GPSM2: variants seen among roughly 807,000 people sequenced by gnomAD.
GPSM2 encodes the protein G protein-signaling modulator 2.
A neutral mutation model predicts 78.4 loss-of-function variants in GPSM2; 58 were observed. That is an observed-to-expected ratio of 0.74 (90% CI 0.60 to 0.92). The LOEUF (loss-of-function observed/expected upper bound fraction) is 0.92. Among genes scored for constraint, GPSM2 ranks in the 40% least tolerant of loss-of-function variants. The pLI is 0.00. For synonymous variants in GPSM2, 224 were observed against 280.2 expected, an observed-to-expected ratio of 0.80 and a Z score of 2.00; for missense variants, 700 against 815.5, an observed-to-expected ratio of 0.86 and a Z score of 1.73.
At chr1:108,916,036 G>A (rs548332228) in intron 11 of GPSM2, among the ~76,000 whole-genome samples, 3 of 144,822 alleles carry the variant, frequency 2.1e-5, no homozygotes, top group Non-Finnish European at 4.5e-5. Flanking sequence ...GAACCCCAGA[G>A]TTTGAGACCA....
At chr1:108,918,812 A>C in intron 12 of GPSM2, 23 bp downstream of exon 12, 7 of 1,564,780 alleles carry the variant, frequency 4.5e-6, no homozygotes, top group Non-Finnish European at 6.2e-6. Flanking sequence ...TAAGTTTTTG[A>C]GTATTGTGTT....
At chr1:108,894,009 G>C (rs1285935662) in intron 2 of GPSM2, among the ~76,000 whole-genome samples, 1 of 151,834 alleles carries the variant, frequency 6.6e-6, no homozygotes, top group Non-Finnish European at 1.5e-5. Context: ...GAGCCATTGC[G>C]CTCCAGCCTG....
chr1:108,917,138 G>T (rs1039486155), intron 11 of GPSM2, among the ~76,000 whole-genome samples: 13 of 152,100 alleles, frequency 8.5e-5, no homozygotes, highest in African/African-American at 3.1e-4. Flanking sequence ...GCAGTTTTAT[G>T]TTCTCACATC....
chr1:108,923,867 T>C (rs546486137), intron 13 of GPSM2, 133 bp from the exon 14 acceptor site: 24 of 704,294 alleles, frequency 3.4e-5, no homozygotes, highest in South Asian at 2.8e-4. Context: ...GTCAGCGCTA[T>C]AGCAGGAGGG....
chr1:108,894,258 CAT>C (rs1648192201), intron 2 of GPSM2, among the ~76,000 whole-genome samples: 1 of 152,096 alleles, frequency 6.6e-6, no homozygotes, highest in African/African-American at 2.4e-5. Context: ...TATAAAGAAA[CAT>C]AAATATAGCT....
chr1:108,932,278 G>A lies in GPSM2; in HGVS notation c.*2338G>A, dbSNP rs1388557517. The A allele has an allele frequency of 6.6e-6, 1 of 151,990 alleles. No homozygotes were observed. Among genetic ancestry groups the A allele is most frequent in the Non-Finnish European group, 1.5e-5 (1 of 67,962 alleles). The allele number at this position is 151,990 out of a possible 1,614,324, so 9.4% of individuals were successfully genotyped here. The stretch of plus-strand genomic sequence containing the variant: ...GACAGAGCAAAACTCTCAAAAAAAA[G>A]TAAAATTTCAAAAAAGCTTCACAAT... On this transcript the variant is annotated 3_prime_UTR_variant, in exon 15 of 15. Coordinates refer to ENST00000264126, the MANE Select transcript of GPSM2 (RefSeq NM_013296.5).
intron 8 of GPSM2, among the ~76,000 whole-genome samples, chr1:108,902,803 G>A (rs1648921170): frequency 6.6e-6 from 1 of 152,094 alleles, no homozygotes; most frequent in Admixed American, 6.5e-5. Flanking sequence ...TAATTACCTG[G>A]TAGGGCTGTT....
intron 9 of GPSM2, among the ~76,000 whole-genome samples, chr1:108,903,449 C>T (rs557628609): frequency 2.6e-5 from 4 of 152,160 alleles, no homozygotes; most frequent in Non-Finnish European, 5.9e-5. Flanking sequence ...AAAGTAAGGC[C>T]GGGCATGGGG....
rs1651673620 is a variant in GPSM2, at chr1:108,930,136, G to A, written c.*196G>A. The A allele has an allele frequency of 3.4e-6, 2 of 581,974 alleles. No homozygotes were observed. The highest frequency in any genetic ancestry group is 2.2e-5 in the South Asian group (1 of 44,616). 36.1% of individuals were successfully genotyped at this position (581,974 alleles called of 1,614,324 possible). On this transcript the variant is annotated 3_prime_UTR_variant, in exon 15 of 15. Transcript: ENST00000264126. Reference sequence around the variant, plus strand: ...GCGCGTTTGAGGGTGGAGGGGTCCTGTAAGGTGCTTCATCGTCTGTGATTA... The same window carrying A: ...GCGCGTTTGAGGGTGGAGGGGTCCTATAAGGTGCTTCATCGTCTGTGATTA...
In GPSM2 at chr1:108,901,805, G is replaced by A. The variant is rs777690523; in HGVS notation, c.813G>A (p.Leu271=). The A allele has an allele frequency of 1.2e-6, 2 of 1,611,370 alleles. No homozygotes were observed. Among genetic ancestry groups the A allele is most frequent in the African/African-American group, 2.7e-5 (2 of 74,962 alleles). Residue 271 remains leucine (L), a synonymous_variant, in exon 8 of 15, where the codon TTG becomes TTA. Coordinates refer to ENST00000264126, the MANE Select transcript of GPSM2 (RefSeq NM_013296.5). The part of the protein sequence containing the change: ...ASEYYKKTLL[L]ARQLKDRAVE... Reference sequence around the variant, plus strand: ...CTTCTTGTAGGAAGACACTACTGTTGGCCCGACAGCTTAAAGACCGAGCTG... The same window carrying A: ...CTTCTTGTAGGAAGACACTACTGTTAGCCCGACAGCTTAAAGACCGAGCTG...
intron 12 of GPSM2, 62 bp downstream of exon 12, chr1:108,918,851 A>G: frequency 9.8e-7 from 1 of 1,022,032 alleles, no homozygotes; most frequent in Non-Finnish European, 1.6e-6. Context: ...GTTTTCTTGT[A>G]TTCATGCTGA....
intron 14 of GPSM2, among the ~76,000 whole-genome samples, chr1:108,925,425 G>A (rs1416524551): frequency 1.3e-5 from 2 of 152,124 alleles, no homozygotes; most frequent in Non-Finnish European, 2.9e-5. Flanking sequence ...GAATAGGACA[G>A]GAAGACTAAG....
chr1:108,921,256 T>C (rs338475), intron 12 of GPSM2, among the ~76,000 whole-genome samples: 54,335 of 151,804 alleles, frequency 0.36, 11,326 homozygotes, highest in African/African-American at 0.57. Flanking sequence ...CCTGACTGTA[T>C]AAAAAATACA....
chr1:108,907,581 G>A (rs1028887598), intron 10 of GPSM2, among the ~76,000 whole-genome samples: 2 of 152,032 alleles, frequency 1.3e-5, no homozygotes, highest in African/African-American at 2.4e-5. Context: ...GTGGTTGAAC[G>A]TTTACAGAAG....
At chr1:108,884,086 G>C (rs1647324604) in intron 1 of GPSM2, among the ~76,000 whole-genome samples, 1 of 152,070 alleles carries the variant, frequency 6.6e-6, no homozygotes, top group African/African-American at 2.4e-5. Context: ...GGGATTACAG[G>C]CTTGCATCAC....
rs749198458 is a variant in GPSM2, at chr1:108,898,728, T to A, written c.644T>A (p.Leu215His). 6.2e-7 allele frequency: 1 copy of A among 1,614,024 alleles called. No individual in the cohort carries two copies. Among genetic ancestry groups the A allele is most frequent in the Admixed American group, 1.7e-5 (1 of 60,016 alleles). ...AATCTTGGAAACACACATTACCTCCTTGGCAACTTCAGGGATGCAGTTATA... is the reference window on the plus strand; with the variant it reads ...AATCTTGGAAACACACATTACCTCCATGGCAACTTCAGGGATGCAGTTATA... ...FGNLGNTHYLLGNFRDAVIAH... is the reference protein window; with the variant it reads ...FGNLGNTHYLHGNFRDAVIAH... The change falls in exon 6 of 15, where the codon CTT becomes CAT. Residue 215 changes from leucine (L) to histidine (H), a missense_variant. Transcript: ENST00000264126.
At chr1:108,910,562 T>C (rs571951290) in intron 10 of GPSM2, among the ~76,000 whole-genome samples, 1 of 152,294 alleles carries the variant, frequency 6.6e-6, no homozygotes, top group South Asian at 2.1e-4. Flanking sequence ...AATCCAGTAA[T>C]GTATTTTAAA....
At chr1:108,918,015 T>C (rs915190089) in intron 11 of GPSM2, among the ~76,000 whole-genome samples, 12 of 152,106 alleles carry the variant, frequency 7.9e-5, no homozygotes, top group Non-Finnish European at 1.0e-4. Flanking sequence ...TAAGACTGAA[T>C]GTTAAAGCTG....
chr1:108,912,835 A>G, intron 10 of GPSM2, among the ~76,000 whole-genome samples: 1 of 134,504 alleles, frequency 7.4e-6, no homozygotes, highest in Admixed American at 8.1e-5. Context: ...ACTTGAGGTC[A>G]GGAGTTCGAG....
Sources: allele counts gnomAD v4.1 joint callset (sites outside exome capture counted in the v4.1 genomes callset), GRCh38; gene constraint gnomAD v4.1.1; transcripts MANE v1.5; gene names NCBI Gene and HGNC (gene_info 2026-07-23, HGNC 2026-07-21).